Variants in CASK observed in about 807,000 individuals in gnomAD.
CASK encodes the protein calcium/calmodulin dependent serine protein kinase, also known as peripheral plasma membrane protein CASK.
Under a neutral mutation model 82.9 loss-of-function variants are expected in CASK, and 4 were observed. That is an observed-to-expected ratio of 0.05 (90% CI 0.02 to 0.11). The LOEUF (loss-of-function observed/expected upper bound fraction) is 0.11, where lower values mean the gene tolerates loss of function less well. Ranked by LOEUF, CASK falls within the 10% of genes least tolerant of loss-of-function variation. The probability of loss-of-function intolerance (pLI) is 1.00; values close to 1 mark genes in which losing one functional copy is unlikely to be tolerated. For synonymous variants in CASK, 259 were observed against 253.5 expected (o/e 1.02, Z -0.20); for missense variants, 358 against 720.9 (o/e 0.50, Z 5.76).
At chrX:41,791,355 C>T (rs1569450164) in intron 2 of CASK, among the ~76,000 whole-genome samples, 1 of 108,561 alleles carries the variant, frequency 9.2e-6, no homozygotes, top group African/African-American at 3.4e-5. Flanking sequence ...CTTTGCGTCC[C>T]CATAGCTCAG....
At chrX:41,783,206 TA>T (rs2147822702) in intron 3 of CASK, among the ~76,000 whole-genome samples, 1 of 111,806 alleles carries the variant, frequency 8.9e-6, no homozygotes, top group South Asian at 3.7e-4. Flanking sequence ...AAAATAAACA[TA>T]CAGACAGAAA....
intron 1 of CASK, among the ~76,000 whole-genome samples, chrX:41,886,471 G>C (rs1162428903): frequency 1.8e-5 from 2 of 111,615 alleles, no homozygotes; most frequent in East Asian, 5.6e-4. Context: ...AGCTTGACTA[G>C]ATAACTTTTA....
Position 41,559,332 on chromosome X carries a change from C to T in CASK, c.1737+447G>A, listed in dbSNP as rs2065196240. ...TGCAGACTTAACTTCCATCTAGAGA[C>T]CTGTCACAATTGTATGAACAACTGT... On this transcript the variant is annotated intron_variant, in intron 18 of 26. Transcript: ENST00000378163. The T allele has an allele frequency of 3.2e-5, 4 of 125,421 alleles. No homozygotes were observed. The Admixed American group carries it at 3.2e-4, about 10-fold the overall frequency. The allele number at this position is 125,421 out of a possible 1,213,427, so 10.3% of individuals were successfully genotyped here.
chrX:41,808,292 T>G (rs2070175162), intron 2 of CASK, among the ~76,000 whole-genome samples: 1 of 111,872 alleles, frequency 8.9e-6, no homozygotes. Flanking sequence ...AGATTGAGTT[T>G]GAATCTAGGT....
chrX:41,561,577 T>C lies in CASK; in HGVS notation c.1650A>G (p.Glu550=), dbSNP rs377659556. The change falls in exon 17 of 27, where the codon GAA becomes GAG. Residue 550 remains glutamate, a synonymous_variant. Coordinates refer to ENST00000378163, the MANE Select transcript of CASK (RefSeq NM_001367721.1). ...NGISVANQTV[E]QLQKMLREMR... is the part of the protein sequence containing the mutation. ...TACTTACAAGCATTTTTTGCAGTTG[T>C]TCCACTGTTTGGTTAGCCACACTGA... 5.0e-6 allele frequency: 6 copies of C among 1,199,969 alleles called. No homozygotes were observed. In the African/African-American group the frequency reaches 1.1e-4, roughly 21 times the overall value.
chrX:41,770,288 CTAT>C, intron 3 of CASK, among the ~76,000 whole-genome samples: 1 of 98,614 alleles, frequency 1.0e-5, no homozygotes, highest in African/African-American at 3.8e-5. Flanking sequence ...ATCTATCTAT[CTAT>C]CTATCTACCT....
chrX:41,730,577 C>T (rs4827286), intron 5 of CASK, among the ~76,000 whole-genome samples: 39,680 of 110,563 alleles, frequency 0.36, 5,741 homozygotes, highest in East Asian at 0.86. Context: ...GAGGTGACCG[C>T]CCTGAATGCT....
intron 15 of CASK, among the ~76,000 whole-genome samples, chrX:41,573,810 C>A (rs1375635109): frequency 8.9e-6 from 1 of 111,830 alleles, no homozygotes; most frequent in Non-Finnish European, 1.9e-5. Flanking sequence ...AGACTTAGAT[C>A]AGTTACTCGG....
intron 5 of CASK, among the ~76,000 whole-genome samples, chrX:41,708,775 G>A (rs2067925429): frequency 1.8e-5 from 2 of 111,656 alleles, no homozygotes; most frequent in East Asian, 5.6e-4. Flanking sequence ...ATTACCCTCT[G>A]CTGGCCAAGG....
Position 41,626,378 on chromosome X carries a change from G to A in CASK, c.1015+226C>T, listed in dbSNP as rs1448802997. Among the ~76,000 whole-genome samples the A allele has an allele frequency of 3.7e-5, 4 of 109,218 alleles. No individual in the cohort carries two copies. The Admixed American group carries it at 3.9e-4, about 11-fold the overall frequency. 94.8% of individuals were successfully genotyped at this position (109,218 alleles called of 115,157 possible). ...GGAAGAAGTATTACTGAGGTGAAAA[G>A]AAAAAAAAATGAAGTGTTGGTTTTG... On this transcript the variant is annotated intron_variant, in intron 10 of 26. Coordinates refer to ENST00000378163, the MANE Select transcript of CASK (RefSeq NM_001367721.1).
At chrX:41,655,280 C>A (rs1432245094) in intron 8 of CASK, among the ~76,000 whole-genome samples, 1 of 111,138 alleles carries the variant, frequency 9.0e-6, no homozygotes, top group African/African-American at 3.3e-5. Context: ...CTGGTAGGGA[C>A]AAATTCTCCA....
intron 12 of CASK, among the ~76,000 whole-genome samples, chrX:41,597,271 T>G (rs1302643617): frequency 1.8e-5 from 2 of 112,345 alleles, no homozygotes; most frequent in African/African-American, 6.5e-5. Flanking sequence ...GTATACTGTT[T>G]CAGACAAGTT....
chrX:41,699,914 T>A (rs1241503053), intron 5 of CASK, among the ~76,000 whole-genome samples: 1 of 111,631 alleles, frequency 9.0e-6, no homozygotes, highest in Non-Finnish European at 1.9e-5. Context: ...TTACTAAGCA[T>A]TAGTATTTGC....
intron 4 of CASK, among the ~76,000 whole-genome samples, chrX:41,743,035 A>G (rs1316446184): frequency 8.9e-6 from 1 of 112,139 alleles, no homozygotes; most frequent in Non-Finnish European, 1.9e-5. Context: ...TTTTCTATAA[A>G]TCTCAAGATT....
intron 8 of CASK, among the ~76,000 whole-genome samples, chrX:41,642,223 T>G (rs1007952876): frequency 8.1e-5 from 9 of 111,750 alleles, no homozygotes; most frequent in African/African-American, 2.9e-4. Flanking sequence ...CATGTGTCTT[T>G]ATAGCAGCAT....
intron 1 of CASK, among the ~76,000 whole-genome samples, chrX:41,865,503 T>C (rs999712242): frequency 1.8e-5 from 2 of 111,964 alleles, no homozygotes; most frequent in African/African-American, 6.5e-5. Context: ...ACAGCTGAAT[T>C]AAAAACCTTA....
intron 1 of CASK, among the ~76,000 whole-genome samples, chrX:41,898,095 G>A (rs1424427702): frequency 9.0e-6 from 1 of 110,939 alleles, no homozygotes; most frequent in Non-Finnish European, 1.9e-5. Flanking sequence ...GATGCCATAG[G>A]TTCTGGGAGT....
chrX:41,813,273 C>T (rs1265800061), intron 2 of CASK, among the ~76,000 whole-genome samples: 1 of 111,263 alleles, frequency 9.0e-6, no homozygotes, highest in Non-Finnish European at 1.9e-5. Context: ...AAAAAGAGCC[C>T]GTATTGCCAA....
intron 8 of CASK, among the ~76,000 whole-genome samples, chrX:41,642,433 C>T (rs1317840856): frequency 8.9e-6 from 1 of 111,842 alleles, no homozygotes; most frequent in Non-Finnish European, 1.9e-5. Context: ...TTAATGATTG[C>T]CATTCTAACT....
Sources: allele counts gnomAD v4.1 joint callset (sites outside exome capture counted in the v4.1 genomes callset), GRCh38; gene constraint gnomAD v4.1.1; transcripts MANE v1.5; gene names NCBI Gene and HGNC (gene_info 2026-07-23, HGNC 2026-07-21).